CLSTN1: variants seen among roughly 807,000 people sequenced by gnomAD.
CLSTN1 encodes the protein calsyntenin-1.
CLSTN1 carries 28 observed loss-of-function variants against 108.3 expected under a neutral mutation model. The observed-to-expected ratio is 0.26, with a 90% CI of 0.19 to 0.35. The LOEUF (loss-of-function observed/expected upper bound fraction) is 0.35. CLSTN1 is among the 10% of genes least tolerant of loss of function. CLSTN1 has a pLI of 1.00. For missense variants in CLSTN1, 1,157 were observed against 1,302.6 expected, an observed-to-expected ratio of 0.89 and a Z score of 1.72; for synonymous variants, 524 against 534.9, an observed-to-expected ratio of 0.98 and a Z score of 0.28.
chr1:9,740,140 G>A (rs1413780835), intron 10 of CLSTN1, among the ~76,000 whole-genome samples: 2 of 149,046 alleles, frequency 1.3e-5, no homozygotes, highest in Non-Finnish European at 3.0e-5. Flanking sequence ...GGCTCATGCA[G>A]CCTCTGCCTC....
At chr1:9,815,521 A>G (rs1471347296) in intron 1 of CLSTN1, among the ~76,000 whole-genome samples, 2 of 152,252 alleles carry the variant, frequency 1.3e-5, no homozygotes, top group Admixed American at 6.5e-5. Flanking sequence ...AAATTCTAAC[A>G]AACTAGAAAA....
intron 2 of CLSTN1, among the ~76,000 whole-genome samples, chr1:9,772,139 GCTTTTT>G: frequency 1.0e-5 from 1 of 100,250 alleles, no homozygotes; most frequent in East Asian, 2.6e-4. Context: ...ACCACACCCG[GCTTTTT>G]TTTTTTTTTT....
At chr1:9,789,340 C>T (rs1037148665) in intron 1 of CLSTN1, among the ~76,000 whole-genome samples, 2 of 151,432 alleles carry the variant, frequency 1.3e-5, no homozygotes, top group Non-Finnish European at 2.9e-5. Context: ...ACCTCCTTCC[C>T]AGCACTTGTT....
intron 2 of CLSTN1, among the ~76,000 whole-genome samples, chr1:9,764,552 G>A (rs1187757492): frequency 3.3e-5 from 5 of 150,378 alleles, no homozygotes; most frequent in Non-Finnish European, 5.9e-5. Flanking sequence ...TGGGAGAATC[G>A]CTTGAATATC....
chr1:9,816,559 G>A (rs1466949321), intron 1 of CLSTN1, among the ~76,000 whole-genome samples: 2 of 126,308 alleles, frequency 1.6e-5, no homozygotes, highest in Non-Finnish European at 3.6e-5. Flanking sequence ...AAAAAGGAGT[G>A]GATGCAGAAA....
At chr1:9,733,336 G>T in intron 16 of CLSTN1, 65 bp downstream of exon 16, 1 of 1,586,734 alleles carries the variant, frequency 6.3e-7, no homozygotes, top group Non-Finnish European at 8.6e-7. Flanking sequence ...GAATATTAGG[G>T]CTGCAAATCA....
chr1:9,754,672 A>G (rs1212340093), intron 4 of CLSTN1, among the ~76,000 whole-genome samples: 1 of 152,138 alleles, frequency 6.6e-6, no homozygotes, highest in Non-Finnish European at 1.5e-5. Context: ...CCTGACCAAC[A>G]TGGAGAATCC....
chr1:9,774,221 ACT>A (rs577916361), intron 1 of CLSTN1, among the ~76,000 whole-genome samples: 60 of 152,196 alleles, frequency 3.9e-4, no homozygotes, highest in Admixed American at 1.3e-3. Context: ...TTAAAATAAA[ACT>A]CTGCAGAATT....
At chr1:9,821,076 T>C (rs891011610) in intron 1 of CLSTN1, among the ~76,000 whole-genome samples, 9 of 152,240 alleles carry the variant, frequency 5.9e-5, no homozygotes, top group African/African-American at 9.6e-5. Context: ...AGAAGGCAGG[T>C]AGCTGAAGGA....
chr1:9,809,064 C>G (rs530123593), intron 1 of CLSTN1, among the ~76,000 whole-genome samples: 1 of 152,216 alleles, frequency 6.6e-6, no homozygotes, highest in South Asian at 2.1e-4. Context: ...AAACCTCATA[C>G]GCAGAAAACA....
chr1:9,792,046 G>T (rs555576089), intron 1 of CLSTN1, among the ~76,000 whole-genome samples: 1 of 151,048 alleles, frequency 6.6e-6, no homozygotes, highest in African/African-American at 2.4e-5. Flanking sequence ...CTACTCGGGA[G>T]GCTGGGGCAG....
intron 2 of CLSTN1, among the ~76,000 whole-genome samples, chr1:9,765,210 C>A (rs1652266131): frequency 6.6e-6 from 1 of 151,982 alleles, no homozygotes; most frequent in Admixed American, 6.6e-5. Context: ...CATGGAGAAA[C>A]CCCATCTCTA....
intron 2 of CLSTN1, among the ~76,000 whole-genome samples, chr1:9,769,471 T>C (rs1652558876): frequency 6.6e-6 from 1 of 152,082 alleles, no homozygotes; most frequent in South Asian, 2.1e-4. Context: ...AAAAAAGGAA[T>C]GAGGGGCTGC....
Position 9,730,648 on chromosome 1 carries a change from TTTCCTCTTCCTC to T in CLSTN1, c.2794_2805del (p.Glu932_Glu935del), listed in dbSNP as rs551074326. 9.9e-6 allele frequency: 16 copies of T among 1,610,454 alleles called. No homozygotes were observed. Among genetic ancestry groups the T allele is most frequent in the African/African-American group, 2.7e-5 (2 of 74,992 alleles). ...TCATCCTCTTCTTCGCCGTCCTCGC[TTTCCTCTTCCTC>T]TTCCTCTTCCTCCTCCTCCTCACTG... On this transcript the variant is annotated inframe_deletion, in exon 19 of 19. Transcript: ENST00000377298. The surrounding 1 kb of genome is among the most constrained non-coding windows in gnomAD (Gnocchi z 5.6).
At chr1:9,810,389 T>C (rs753290272) in intron 1 of CLSTN1, among the ~76,000 whole-genome samples, 8 of 149,500 alleles carry the variant, frequency 5.4e-5, no homozygotes, top group Admixed American at 1.3e-4. Flanking sequence ...GGCAGGAGAA[T>C]TGCTTGAAGC....
In CLSTN1 at chr1:9,744,634, G is replaced by A. The variant is rs141878883; in HGVS notation, c.995C>T (p.Ala332Val). 228 of 1,609,100 alleles carry A rather than the reference G, an allele frequency of 1.4e-4. No individual in the cohort carries two copies. The African/African-American group carries it at 2.7e-3, about 19-fold the overall frequency. The change falls in exon 8 of 19, where the codon GCG becomes GTG. Residue 332 changes from alanine (A) to valine (V), a missense_variant. Coordinates refer to ENST00000377298, the MANE Select transcript of CLSTN1 (RefSeq NM_001009566.3). ...GGATGGCAGCAGCTCGGCAGTGCCC[G>A]CGGCCGCACCTGAAGCCACAGTGCT... ...KSLHRLCGAAAGTAELLPSPS... is the reference protein window; with the variant it reads ...KSLHRLCGAAVGTAELLPSPS...
At position 9,823,093 on chromosome 1, in the gene CLSTN1, G is replaced by A. The variant is rs1655250416; in HGVS notation, c.91+550C>T. ...AGGCGGAAAGGGGCGAAGTCGTGGT[G>A]TCCGCGGTGCAGCAACACAGAATCG... On this transcript the variant is annotated intron_variant, in intron 1 of 18. Transcript: ENST00000377298. This position sits in a 1 kb window ranked among gnomAD's most constrained non-coding sequence, Gnocchi z 6.3. Among the ~76,000 whole-genome samples, 2 of 152,240 alleles carry A rather than the reference G, an allele frequency of 1.3e-5. No homozygotes were observed. Among genetic ancestry groups the A allele is most frequent in the Admixed American group, 1.3e-4 (2 of 15,286 alleles).
intron 1 of CLSTN1, among the ~76,000 whole-genome samples, chr1:9,810,295 G>A (rs1298131382): frequency 6.6e-6 from 1 of 151,176 alleles, no homozygotes; most frequent in East Asian, 1.9e-4. Flanking sequence ...GGCCAACATG[G>A]TGAAACCCCA....
rs1048027029 is a variant in CLSTN1 at position 9,810,262 on chromosome 1, G to C, written c.91+13381C>G. On this transcript the variant is annotated intron_variant, in intron 1 of 18. Coordinates refer to ENST00000377298, the MANE Select transcript of CLSTN1 (RefSeq NM_001009566.3). ...AGGCCGAGGCAGGTGGATCATCTAA[G>C]GTCAGGAGTACGAGACCAGGCTGGC... 4.6e-5 allele frequency among the ~76,000 whole-genome samples: 7 copies of C among 151,532 alleles called. No individual in the cohort carries two copies. The South Asian group carries it at 1.5e-3, about 32-fold the overall frequency.
Sources: allele counts gnomAD v4.1 joint callset (sites outside exome capture counted in the v4.1 genomes callset), GRCh38; gene constraint gnomAD v4.1.1; non-coding constraint Gnocchi (gnomAD v3.1); transcripts MANE v1.5; gene names NCBI Gene and HGNC (gene_info 2026-07-23, HGNC 2026-07-21).